The following HEPHL1 variants were observed in gnomAD, a reference collection of about 807,000 sequenced individuals.
HEPHL1 encodes ferroxidase HEPHL1.
In HEPHL1, 123 loss-of-function variants were observed where a neutral mutation model predicts 122.0. That is an observed-to-expected ratio of 1.01 (90% CI 0.87 to 1.17). The LOEUF (loss-of-function observed/expected upper bound fraction) is 1.17, where lower values mean the gene tolerates loss of function less well. Among genes scored for constraint, HEPHL1 ranks in the 50% most tolerant of loss-of-function variants. The pLI, the probability that HEPHL1 is intolerant of heterozygous loss-of-function variation, is 0.00. For synonymous variants in HEPHL1, 527 were observed against 508.9 expected (o/e 1.04, Z -0.48); for missense variants, 1,452 against 1,430.5 (o/e 1.01, Z -0.24).
chr11:94,045,872 T>C lies in HEPHL1; in HGVS notation c.370T>C (p.Tyr124His), dbSNP rs761929373. ...TTTAAAGAACTTTGCTTCTCGACCT[T>C]ACTCTCTGCATCCACATGGCGTTTT... ...IHLKNFASRP[Y>H]SLHPHGVFYN... is the part of the protein sequence containing the mutation. The change falls in exon 2 of 20, where the codon TAC becomes CAC. Residue 124 changes from tyrosine to histidine, a missense_variant. Coordinates refer to ENST00000315765, the MANE Select transcript of HEPHL1 (RefSeq NM_001098672.2). The C allele has an allele frequency of 6.2e-7, 1 of 1,613,876 alleles. No homozygotes were observed. Among genetic ancestry groups the C allele is most frequent in the Non-Finnish European group, 8.5e-7 (1 of 1,179,822 alleles).
At chr11:94,107,621 G>A (rs979032946) in intron 17 of HEPHL1, among the ~76,000 whole-genome samples, 7 of 152,136 alleles carry the variant, frequency 4.6e-5, no homozygotes, top group African/African-American at 1.7e-4. Context: ...TTTTTTGAAA[G>A]GTTATGTGGA....
chr11:94,094,176 G>A (rs1039504764), intron 13 of HEPHL1, among the ~76,000 whole-genome samples: 1 of 151,386 alleles, frequency 6.6e-6, no homozygotes, highest in Non-Finnish European at 1.5e-5. Context: ...AGGCCCTGGT[G>A]TGTGATGTTC....
chr11:94,111,665 G>A (rs369628859), intron 19 of HEPHL1, 27 bp from the exon 20 acceptor site: 2 of 1,608,822 alleles, frequency 1.2e-6, no homozygotes, highest in Non-Finnish European at 1.7e-6. Flanking sequence ...AAATGTCAGG[G>A]GCCTGACAAG....
At chr11:94,106,939 A>G (rs539610775) in intron 17 of HEPHL1, among the ~76,000 whole-genome samples, 2 of 152,152 alleles carry the variant, frequency 1.3e-5, no homozygotes, top group Admixed American at 1.3e-4. Flanking sequence ...GTGACTTTCT[A>G]CCCTCTAGCA....
intron 9 of HEPHL1, among the ~76,000 whole-genome samples, chr11:94,078,087 T>C (rs560674233): frequency 1.1e-3 from 162 of 152,298 alleles, no homozygotes; most frequent in African/African-American, 3.8e-3. Context: ...CTTATCTTCC[T>C]TTCCCAGAAC....
chr11:94,075,193 G>T lies in HEPHL1; in HGVS notation c.1524G>T (p.Ala508=), dbSNP rs147597778. ...CCTCAGGATTTGTGAAACCAGGGGC[G>T]CATGTTAAACCAGGTGAAACCTTCA... ...PNLDGFVKPG[A]HVKPGETFTY... is the part of the protein sequence containing the mutation. Residue 508 remains alanine, a synonymous_variant, in exon 9 of 20, where the codon GCG becomes GCT. Coordinates refer to ENST00000315765, the MANE Select transcript of HEPHL1 (RefSeq NM_001098672.2). 2 of 1,612,796 alleles carry T rather than the reference G, an allele frequency of 1.2e-6. No homozygotes were observed. Among genetic ancestry groups the T allele is most frequent in the Non-Finnish European group, 1.7e-6 (2 of 1,179,284 alleles).
intron 2 of HEPHL1, among the ~76,000 whole-genome samples, chr11:94,062,563 T>C (rs977854993): frequency 6.6e-6 from 1 of 152,184 alleles, no homozygotes; most frequent in Non-Finnish European, 1.5e-5. Flanking sequence ...CATTCTTGAA[T>C]GACTGTGTAA....
chr11:94,024,712 T>A (rs1945609495), intron 1 of HEPHL1, among the ~76,000 whole-genome samples: 1 of 152,158 alleles, frequency 6.6e-6, no homozygotes, highest in African/African-American at 2.4e-5. Context: ...TATCATGAAC[T>A]TGGACACTGC....
Position 94,075,266 on chromosome 11 carries a change from C to T in HEPHL1, c.1597C>T (p.Pro533Ser). ...PESVSPTAGD[P>S]PCLTYLYFSA... ...GAGCGTAAGCCCAACTGCTGGTGAT[C>T]CTCCCTGTCTGACCTATCTTTACTT... Residue 533 changes from proline (P) to serine (S), a missense_variant, in exon 9 of 20, where the codon CCT becomes TCT. Transcript: ENST00000315765. The T allele has an allele frequency of 1.2e-6, 2 of 1,613,496 alleles. No homozygotes were observed. The highest frequency in any genetic ancestry group is 1.7e-6 in the Non-Finnish European group (2 of 1,179,620).
chr11:94,045,074 T>G (rs754249778), intron 1 of HEPHL1, among the ~76,000 whole-genome samples: 2 of 152,162 alleles, frequency 1.3e-5, no homozygotes, highest in Non-Finnish European at 2.9e-5. Context: ...GCTCGGCTTT[T>G]TTGTTTGTTT....
intron 2 of HEPHL1, among the ~76,000 whole-genome samples, chr11:94,058,533 A>T (rs1319049710): frequency 1.3e-5 from 2 of 152,110 alleles, no homozygotes; most frequent in African/African-American, 4.8e-5. Context: ...AATGGAACTT[A>T]GAAGTGGGTT....
intron 15 of HEPHL1, among the ~76,000 whole-genome samples, chr11:94,104,257 C>A (rs573623257): frequency 4.6e-4 from 70 of 152,130 alleles, no homozygotes; most frequent in South Asian, 2.3e-3. Context: ...ATTAGGGGAG[C>A]ACATGGAGGG....
At chr11:94,031,579 A>AGC (rs1945676029) in intron 1 of HEPHL1, among the ~76,000 whole-genome samples, 1 of 152,234 alleles carries the variant, frequency 6.6e-6, no homozygotes. Flanking sequence ...CTAATTTTTT[A>AGC]AACAGGATTC....
chr11:94,034,741 G>C (rs939945838), intron 1 of HEPHL1, among the ~76,000 whole-genome samples: 1 of 152,092 alleles, frequency 6.6e-6, no homozygotes, highest in Non-Finnish European at 1.5e-5. Context: ...TGCCACCCTG[G>C]GCCACTGGGA....
chr11:94,031,338 A>G (rs1436657499), intron 1 of HEPHL1, among the ~76,000 whole-genome samples: 3 of 135,818 alleles, frequency 2.2e-5, no homozygotes, highest in African/African-American at 1.0e-4. Flanking sequence ...TGTTACACAC[A>G]CACACACACA....
At chr11:94,030,594 A>G (rs990414383) in intron 1 of HEPHL1, among the ~76,000 whole-genome samples, 7 of 152,132 alleles carry the variant, frequency 4.6e-5, no homozygotes, top group African/African-American at 1.7e-4. Flanking sequence ...GAGGAGAAAA[A>G]TGGTGTCTTC....
intron 1 of HEPHL1, among the ~76,000 whole-genome samples, chr11:94,027,959 GT>G (rs1945640618): frequency 6.6e-6 from 1 of 152,120 alleles, no homozygotes; most frequent in Non-Finnish European, 1.5e-5. Context: ...AGTGACATTT[GT>G]CTCAATCTCA....
rs368679854 is a variant in HEPHL1 at position 94,082,453 on chromosome 11, A to G, written c.1752A>G (p.Thr584=). ...GIDKEFYLLF[T]VFDENLSRYF... is the part of the protein sequence containing the mutation. ...ACAAGGAGTTTTACCTACTGTTCACAGTCTTTGATGAGAATCTGAGCAGAT... is the reference window on the plus strand; with the variant it reads ...ACAAGGAGTTTTACCTACTGTTCACGGTCTTTGATGAGAATCTGAGCAGAT... Residue 584 remains threonine (T), a synonymous_variant, in exon 10 of 20, where the codon ACA becomes ACG. Transcript: ENST00000315765. 1.5e-5 allele frequency: 24 copies of G among 1,612,428 alleles called. No individual in the cohort carries two copies. In the East Asian group the frequency reaches 1.6e-4, roughly 10 times the overall value.
At chr11:94,026,639 T>C (rs554845988) in intron 1 of HEPHL1, among the ~76,000 whole-genome samples, 1 of 152,332 alleles carries the variant, frequency 6.6e-6, no homozygotes, top group African/African-American at 2.4e-5. Flanking sequence ...GCTCCAGGCA[T>C]TGCTTTAAAA....
Sources: allele counts gnomAD v4.1 joint callset (sites outside exome capture counted in the v4.1 genomes callset), GRCh38; gene constraint gnomAD v4.1.1; transcripts MANE v1.5; gene names NCBI Gene and HGNC (gene_info 2026-07-23, HGNC 2026-07-21).